ASXL3: variants seen among roughly 807,000 people sequenced by gnomAD.
ASXL3 encodes the protein ASXL transcriptional regulator 3.
A neutral mutation model predicts 170.6 loss-of-function variants in ASXL3; 34 were observed. The ratio of observed to expected loss-of-function variants is 0.20; its 90% confidence interval spans 0.15 to 0.27. The LOEUF (loss-of-function observed/expected upper bound fraction) is 0.27, where lower values mean the gene tolerates loss of function less well. Among genes scored for constraint, ASXL3 ranks in the 10% least tolerant of loss-of-function variants. ASXL3 has a pLI of 1.00. For synonymous variants in ASXL3, 1,002 were observed against 989.1 expected (o/e 1.01, Z -0.24); for missense variants, 2,592 against 2,695.3 (o/e 0.96, Z 0.85).
chr18:33,684,688 T>G (rs969849888), intron 8 of ASXL3, among the ~76,000 whole-genome samples: 1 of 152,164 alleles, frequency 6.6e-6, no homozygotes. Context: ...CAGTGAATGC[T>G]TATTGAATGA....
chr18:33,619,245 G>T (rs1379277705), intron 2 of ASXL3, among the ~76,000 whole-genome samples: 1 of 152,020 alleles, frequency 6.6e-6, no homozygotes, highest in Non-Finnish European at 1.5e-5. Context: ...TGTGGCCTAA[G>T]TCTAATAAAA....
intron 8 of ASXL3, among the ~76,000 whole-genome samples, chr18:33,720,674 C>T (rs1435468446): frequency 6.6e-6 from 1 of 152,074 alleles, no homozygotes; most frequent in African/African-American, 2.4e-5. Flanking sequence ...GAAGTAGATA[C>T]ACTGTGAACA....
chr18:33,625,949 T>A (rs928971694), intron 2 of ASXL3: 2 of 152,156 alleles, frequency 1.3e-5, no homozygotes, highest in African/African-American at 4.8e-5. Context: ...TTTAACCCAC[T>A]TAATTTTGTT....
At chr18:33,734,773 T>TTTAA (rs1469440993) in intron 10 of ASXL3, among the ~76,000 whole-genome samples, 2 of 152,216 alleles carry the variant, frequency 1.3e-5, no homozygotes, top group African/African-American at 2.4e-5. Flanking sequence ...TAGTCATGTA[T>TTTAA]TTAATTCTCA....
In ASXL3 at chr18:33,749,039, T is replaced by A. The variant is rs1479176819; in HGVS notation, c.*2444T>A. On this transcript the variant is annotated 3_prime_UTR_variant, in exon 12 of 12. Transcript: ENST00000269197. The stretch of plus-strand genomic sequence containing the variant: ...TCAGTTGTTGATAGTGCATGGATTC[T>A]ATCATCCAGGTCCGATTAGCATAAT... The A allele has an allele frequency of 6.6e-6, 1 of 151,680 alleles. No individual in the cohort carries two copies. Among genetic ancestry groups the A allele is most frequent in the Non-Finnish European group, 1.5e-5 (1 of 68,000 alleles). 9.4% of individuals were successfully genotyped at this position (151,680 alleles called of 1,614,324 possible).
chr18:33,654,556 G>T (rs190138954), intron 4 of ASXL3, among the ~76,000 whole-genome samples: 1 of 152,046 alleles, frequency 6.6e-6, no homozygotes, highest in East Asian at 1.9e-4. Context: ...ACTTAACCTT[G>T]ACCTGTGCCA....
intron 4 of ASXL3, among the ~76,000 whole-genome samples, chr18:33,649,358 G>T (rs1282074510): frequency 6.6e-6 from 1 of 152,060 alleles, no homozygotes; most frequent in Non-Finnish European, 1.5e-5. Flanking sequence ...TGTGGAAGGG[G>T]CTCGTAGAAG....
intron 1 of ASXL3, among the ~76,000 whole-genome samples, chr18:33,599,121 T>A (rs2065158046): frequency 6.6e-6 from 1 of 152,184 alleles, no homozygotes; most frequent in Non-Finnish European, 1.5e-5. Context: ...AAGAGTGTAT[T>A]GTTAAACAGA....
intron 2 of ASXL3, among the ~76,000 whole-genome samples, chr18:33,636,941 A>G (rs576885497): frequency 7.3e-4 from 111 of 152,264 alleles, no homozygotes; most frequent in African/African-American, 2.4e-3. Flanking sequence ...GGAGCATTTC[A>G]AATTTTCAGA....
At chr18:33,607,094 A>G (rs1568274852) in intron 1 of ASXL3, among the ~76,000 whole-genome samples, 1 of 151,972 alleles carries the variant, frequency 6.6e-6, no homozygotes, top group Non-Finnish European at 1.5e-5. Flanking sequence ...ACTGGAAAAC[A>G]CACTGTAATG....
At chr18:33,590,476 G>A (rs866113999) in intron 1 of ASXL3, among the ~76,000 whole-genome samples, 1 of 152,050 alleles carries the variant, frequency 6.6e-6, no homozygotes, top group African/African-American at 2.4e-5. Flanking sequence ...AAAGTATGCT[G>A]GAAAAACAAA....
intron 9 of ASXL3, 33 bp from the exon 10 acceptor site, chr18:33,734,277 C>T (rs1256820474): frequency 2.7e-6 from 4 of 1,460,746 alleles, no homozygotes; most frequent in Non-Finnish European, 3.7e-6. Flanking sequence ...GATGTGACCA[C>T]ATTTATTCAA....
chr18:33,671,838 C>T lies in ASXL3; in HGVS notation c.687C>T (p.His229=). ...CCACTGGAAAACAAACAAGTCAGCA[C>T]TTAAAACGATTAAAAAAGTCTGGTT... ...KSPTGKQTSQ[H]LKRLKKSGLG... Residue 229 remains histidine, a synonymous_variant, in exon 7 of 12, where the codon CAC becomes CAT. Coordinates refer to ENST00000269197, the MANE Select transcript of ASXL3 (RefSeq NM_030632.3). 1.2e-6 allele frequency: 2 copies of T among 1,610,114 alleles called. No homozygotes were observed. The highest frequency in any genetic ancestry group is 4.5e-5 in the East Asian group (2 of 44,686).
At chr18:33,618,596 C>T (rs1164715487) in intron 2 of ASXL3, among the ~76,000 whole-genome samples, 1 of 152,100 alleles carries the variant, frequency 6.6e-6, no homozygotes, top group Non-Finnish European at 1.5e-5. Flanking sequence ...GGCATATGTT[C>T]ATTCCATTAA....
At chr18:33,600,464 GC>G (rs748279686) in intron 1 of ASXL3, among the ~76,000 whole-genome samples, 35 of 152,016 alleles carry the variant, frequency 2.3e-4, no homozygotes, top group Non-Finnish European at 4.1e-4. Flanking sequence ...AGAATAGACT[GC>G]CTGCAAATTT....
At chr18:33,707,842 T>G (rs1218068675) in intron 8 of ASXL3, among the ~76,000 whole-genome samples, 1 of 152,076 alleles carries the variant, frequency 6.6e-6, no homozygotes, top group Non-Finnish European at 1.5e-5. Context: ...GGAAATTTCC[T>G]TCCATTCCTT....
At chr18:33,680,641 T>TGTA (rs2145278591) in intron 7 of ASXL3, among the ~76,000 whole-genome samples, 2 of 152,170 alleles carry the variant, frequency 1.3e-5, no homozygotes, top group Non-Finnish European at 2.9e-5. Context: ...TTTAAATGAA[T>TGTA]GTAGGTTCAA....
chr18:33,601,326 C>T (rs2065180572), intron 1 of ASXL3, among the ~76,000 whole-genome samples: 1 of 151,796 alleles, frequency 6.6e-6, no homozygotes, highest in South Asian at 2.1e-4. Context: ...TTGCTGTAGG[C>T]AGTCATTTGG....
intron 11 of ASXL3, among the ~76,000 whole-genome samples, chr18:33,741,990 C>T (rs2067671840): frequency 6.6e-6 from 1 of 152,164 alleles, no homozygotes; most frequent in Non-Finnish European, 1.5e-5. Context: ...CTCTGCGAGT[C>T]TCTTAATTAC....
Sources: gnomAD v4.1 joint callset for allele counts (sites outside exome capture counted in the v4.1 genomes callset) on GRCh38, gnomAD v4.1.1 for gene constraint, MANE v1.5 for transcripts, NCBI Gene and HGNC (gene_info 2026-07-23, HGNC 2026-07-21) for gene names.